ZFPM2: variants seen among roughly 807,000 people sequenced by gnomAD.
ZFPM2 encodes zinc finger protein, FOG family member 2.
A neutral mutation model predicts 98.6 loss-of-function variants in ZFPM2; 20 were observed. The ratio of observed to expected loss-of-function variants is 0.20; its 90% confidence interval spans 0.14 to 0.29. The LOEUF (loss-of-function observed/expected upper bound fraction) is 0.29. Ranked by LOEUF, ZFPM2 falls within the 10% of genes least tolerant of loss-of-function variation. ZFPM2 has a pLI of 1.00. For missense variants in ZFPM2, 1,310 were observed against 1,388.6 expected (o/e 0.94, Z 0.90); for synonymous variants, 518 against 502.7 (o/e 1.03, Z -0.41).
At chr8:105,450,059 A>T (rs1812454860) in intron 3 of ZFPM2, among the ~76,000 whole-genome samples, 1 of 152,106 alleles carries the variant, frequency 6.6e-6, no homozygotes, top group African/African-American at 2.4e-5. Context: ...TTCAAAAATA[A>T]ATGTCTAGGG....
In ZFPM2 at chr8:105,761,130, T is replaced by C. The variant is rs141811721; in HGVS notation, c.533-27588T>C. Among the ~76,000 whole-genome samples, 278 of 152,126 alleles carry C rather than the reference T, an allele frequency of 1.8e-3. 1 individual carries two copies. Among genetic ancestry groups the C allele is most frequent in the African/African-American group, 6.4e-3 (267 of 41,544 alleles). On this transcript the variant is annotated intron_variant, in intron 5 of 7. Coordinates refer to ENST00000407775, the MANE Select transcript of ZFPM2 (RefSeq NM_012082.4). ...CTTTGGGGATATATTTCTATGGGCA[T>C]CATGAATATTTCATCTGCAGAGATC...
intron 3 of ZFPM2, among the ~76,000 whole-genome samples, chr8:105,554,337 A>G (rs1814934843): frequency 6.6e-6 from 1 of 152,182 alleles, no homozygotes; most frequent in Non-Finnish European, 1.5e-5. Flanking sequence ...TAACCCTCTT[A>G]GGTATCTGGC....
At chr8:105,658,230 C>G (rs1586178823) in intron 5 of ZFPM2, among the ~76,000 whole-genome samples, 1 of 152,234 alleles carries the variant, frequency 6.6e-6, no homozygotes, top group Middle Eastern at 3.4e-3. Flanking sequence ...GGACACAAGT[C>G]AAAATCCTTT....
chr8:105,602,720 T>C (rs1816118649), intron 4 of ZFPM2, among the ~76,000 whole-genome samples: 1 of 151,656 alleles, frequency 6.6e-6, no homozygotes, highest in African/African-American at 2.4e-5. Flanking sequence ...GCTTCTGTTA[T>C]TCTGGCCATG....
At chr8:105,572,692 A>C (rs1815384311) in intron 4 of ZFPM2, among the ~76,000 whole-genome samples, 1 of 150,276 alleles carries the variant, frequency 6.7e-6, no homozygotes, top group African/African-American at 2.5e-5. Context: ...GTCTCGAAGA[A>C]CTCCCGACCT....
chr8:105,663,233 TG>T lies in ZFPM2; in HGVS notation c.532+28882del, dbSNP rs199835055. 8.7e-3 allele frequency among the ~76,000 whole-genome samples: 1,329 copies of T among 152,258 alleles called. 11 individuals are homozygous for T. The highest frequency in any genetic ancestry group is 0.014 in the Non-Finnish European group (936 of 68,010). ...CTTCATGGAGTTTACAGTTTAGTCG[TG>T]GGGGGCAAGGGAGGAATAAGCTAAC... On this transcript the variant is annotated intron_variant, in intron 5 of 7. Transcript: ENST00000407775.
intron 5 of ZFPM2, among the ~76,000 whole-genome samples, chr8:105,709,672 C>A (rs988684259): frequency 1.2e-4 from 18 of 152,100 alleles, no homozygotes; most frequent in African/African-American, 4.3e-4. Context: ...TATCTTTGTA[C>A]ACGAAGAACA....
intron 5 of ZFPM2, among the ~76,000 whole-genome samples, chr8:105,761,086 T>A (rs1189100084): frequency 6.6e-6 from 1 of 152,032 alleles, no homozygotes; most frequent in Non-Finnish European, 1.5e-5. Context: ...TGTACTAAGC[T>A]GAGTCATGTT....
At chr8:105,455,289 T>A (rs1812565276) in intron 3 of ZFPM2, among the ~76,000 whole-genome samples, 1 of 152,106 alleles carries the variant, frequency 6.6e-6, no homozygotes, top group Admixed American at 6.6e-5. Context: ...TAAATTAAGA[T>A]CTGAAAGAGA....
At chr8:105,646,109 T>C (rs1817039820) in intron 5 of ZFPM2, among the ~76,000 whole-genome samples, 1 of 150,448 alleles carries the variant, frequency 6.6e-6, no homozygotes, top group Non-Finnish European at 1.5e-5. Flanking sequence ...ATGAGCTTCA[T>C]GCTTCTCTAT....
chr8:105,442,679 T>C (rs763625814), intron 2 of ZFPM2, among the ~76,000 whole-genome samples: 11 of 152,196 alleles, frequency 7.2e-5, no homozygotes, highest in Non-Finnish European at 1.2e-4. Context: ...TAAACTGAGT[T>C]CAACAGAGCT....
intron 5 of ZFPM2, among the ~76,000 whole-genome samples, chr8:105,649,246 C>A: frequency 6.6e-6 from 1 of 152,194 alleles, no homozygotes; most frequent in East Asian, 1.9e-4. Flanking sequence ...TGAGACTTTG[C>A]TGAAGTTGCT....
At chr8:105,776,827 A>G (rs962693182) in intron 5 of ZFPM2, among the ~76,000 whole-genome samples, 3 of 152,224 alleles carry the variant, frequency 2.0e-5, no homozygotes, top group African/African-American at 7.2e-5. Context: ...ATACCCAGAA[A>G]TAGATATTCC....
chr8:105,497,036 A>AGT (rs1480199383), intron 3 of ZFPM2, among the ~76,000 whole-genome samples: 1 of 138,630 alleles, frequency 7.2e-6, no homozygotes, highest in African/African-American at 2.6e-5. Flanking sequence ...CCCAGGCTGG[A>AGT]GTGCAGTGGC....
intron 3 of ZFPM2, among the ~76,000 whole-genome samples, chr8:105,501,478 C>T (rs1211337743): frequency 6.6e-6 from 1 of 151,470 alleles, no homozygotes; most frequent in African/African-American, 2.4e-5. Flanking sequence ...AGCCACTGCG[C>T]CCAGCTCAAT....
chr8:105,369,066 G>A (rs1020253375), intron 1 of ZFPM2, among the ~76,000 whole-genome samples: 2 of 152,074 alleles, frequency 1.3e-5, no homozygotes, highest in African/African-American at 2.4e-5. Context: ...TATGACTAGA[G>A]CAAATAATAA....
At chr8:105,684,174 T>C (rs973650951) in intron 5 of ZFPM2, among the ~76,000 whole-genome samples, 2 of 152,136 alleles carry the variant, frequency 1.3e-5, no homozygotes, top group Admixed American at 1.3e-4. Context: ...TACATCAGAT[T>C]TGAGAATAAC....
chr8:105,344,067 A>G (rs1812475431), intron 1 of ZFPM2, among the ~76,000 whole-genome samples: 2 of 152,088 alleles, frequency 1.3e-5, no homozygotes, highest in Admixed American at 1.3e-4. Context: ...ACTCCTCTTT[A>G]TACATCTATC....
At chr8:105,576,996 T>C (rs1215372335) in intron 4 of ZFPM2, among the ~76,000 whole-genome samples, 1 of 152,182 alleles carries the variant, frequency 6.6e-6, no homozygotes, top group Non-Finnish European at 1.5e-5. Flanking sequence ...GGTAGTGGAA[T>C]AATCATTTCC....
Sources: allele counts gnomAD v4.1 joint callset (sites outside exome capture counted in the v4.1 genomes callset), GRCh38; gene constraint gnomAD v4.1.1; transcripts MANE v1.5; gene names NCBI Gene and HGNC (gene_info 2026-07-23, HGNC 2026-07-21).